The following OLFM3 variants were observed in gnomAD, a reference collection of about 807,000 sequenced individuals.
OLFM3 encodes the protein noelin-3.
OLFM3 carries 20 observed loss-of-function variants against 48.6 expected under a neutral mutation model. The ratio of observed to expected loss-of-function variants is 0.41; its 90% CI spans 0.29 to 0.60. The LOEUF (loss-of-function observed/expected upper bound fraction) is 0.60. OLFM3 is among the 20% of genes least tolerant of loss of function. The pLI, the probability that OLFM3 is intolerant of heterozygous loss-of-function variation, is 0.28. For missense variants in OLFM3, 437 were observed against 544.3 expected, an observed-to-expected ratio of 0.80 and a Z score of 1.96; for synonymous variants, 222 against 198.1, an observed-to-expected ratio of 1.12 and a Z score of -1.01.
chr1:101,966,829 T>C (rs1660624961), intron 1 of OLFM3, among the ~76,000 whole-genome samples: 1 of 152,190 alleles, frequency 6.6e-6, no homozygotes, highest in Non-Finnish European at 1.5e-5. Context: ...TTAAAATACT[T>C]TTCCTTTTTT....
At chr1:101,963,752 C>T (rs886289840) in intron 1 of OLFM3, among the ~76,000 whole-genome samples, 3 of 152,122 alleles carry the variant, frequency 2.0e-5, no homozygotes, top group African/African-American at 7.2e-5. Context: ...ACATTCAACC[C>T]TTTAATAAAT....
At chr1:101,826,261 T>A (rs1654861678) in intron 3 of OLFM3, among the ~76,000 whole-genome samples, 1 of 152,104 alleles carries the variant, frequency 6.6e-6, no homozygotes. Flanking sequence ...TTTCTAGACA[T>A]GTCACCGTTA....
At chr1:101,830,545 T>G (rs995782602) in intron 3 of OLFM3, 127 bp downstream of exon 3, 1 of 944,012 alleles carries the variant, frequency 1.1e-6, no homozygotes. Context: ...ATGACTGAAA[T>G]CCCCCATGAG....
At chr1:101,898,737 T>C (rs1658289679) in intron 1 of OLFM3, among the ~76,000 whole-genome samples, 1 of 152,024 alleles carries the variant, frequency 6.6e-6, no homozygotes, top group East Asian at 1.9e-4. Flanking sequence ...TAGTCCCAGC[T>C]ACTCAGGAGG....
At chr1:101,966,651 C>G (rs1660618329) in intron 1 of OLFM3, among the ~76,000 whole-genome samples, 1 of 152,054 alleles carries the variant, frequency 6.6e-6, no homozygotes. Context: ...TACGAGATGA[C>G]AGAAAACCAA....
intron 1 of OLFM3, among the ~76,000 whole-genome samples, chr1:101,904,803 A>ATAAAATG (rs958131937): frequency 3.3e-5 from 5 of 152,234 alleles, no homozygotes; most frequent in Admixed American, 3.3e-4. Flanking sequence ...TCCAGAAAAC[A>ATAAAATG]TAAAATGCTG....
intron 1 of OLFM3, among the ~76,000 whole-genome samples, chr1:101,860,796 T>C (rs186785673): frequency 3.9e-5 from 6 of 152,156 alleles, no homozygotes; most frequent in Non-Finnish European, 5.9e-5. Flanking sequence ...AGGGATACTT[T>C]AGTGGGATTG....
rs1251797264 is a variant in OLFM3 at position 101,808,380 on chromosome 1, T to A, written c.593-2198A>T. On this transcript the variant is annotated intron_variant, in intron 4 of 5. Transcript: ENST00000370103. Reference sequence around the variant, plus strand: ...GTGGTCATTAAAGATGAAGATGGAATAAGATGCATTTGTGTCTATGCAGAG... The same window carrying A: ...GTGGTCATTAAAGATGAAGATGGAAAAAGATGCATTTGTGTCTATGCAGAG... Among the ~76,000 whole-genome samples the A allele has an allele frequency of 2.6e-5, 4 of 151,414 alleles. No homozygotes were observed. The South Asian group carries it at 8.3e-4, about 31-fold the overall frequency.
intron 4 of OLFM3, among the ~76,000 whole-genome samples, chr1:101,818,521 A>T (rs923156039): frequency 4.6e-5 from 7 of 152,126 alleles, no homozygotes; most frequent in African/African-American, 1.7e-4. Context: ...AATTTAAAGG[A>T]ATAGTCTTAT....
intron 1 of OLFM3, among the ~76,000 whole-genome samples, chr1:101,987,595 A>G (rs1223358156): frequency 6.6e-6 from 1 of 152,140 alleles, no homozygotes; most frequent in Admixed American, 6.5e-5. Context: ...CACTCCCAGA[A>G]GAGATGGCAT....
At chr1:101,967,343 G>C (rs6661064) in intron 1 of OLFM3, among the ~76,000 whole-genome samples, 154 of 151,748 alleles carry the variant, frequency 1.0e-3, no homozygotes, top group Non-Finnish European at 1.6e-3. Context: ...GGCTATAAGT[G>C]ATTTGCCTTC....
At chr1:101,881,415 A>G (rs567258522) in intron 1 of OLFM3, among the ~76,000 whole-genome samples, 1 of 151,968 alleles carries the variant, frequency 6.6e-6, no homozygotes, top group African/African-American at 2.4e-5. Context: ...CTTGAACCCA[A>G]ACCAGAGTAC....
At chr1:101,991,006 AAAAAAAAAAAATATAT>A (rs1661385215) in intron 1 of OLFM3, among the ~76,000 whole-genome samples, 1 of 97,596 alleles carries the variant, frequency 1.0e-5, no homozygotes, top group Non-Finnish European at 2.1e-5. Flanking sequence ...AAAAAAAAAA[AAAAAAAAAAAATATAT>A]ATATATATAT....
At chr1:101,847,012 G>A (rs1251843502) in intron 1 of OLFM3, 2 of 1,578,266 alleles carry the variant, frequency 1.3e-6, no homozygotes, top group Non-Finnish European at 1.7e-6. Context: ...GACTGATTAA[G>A]ATCCCGGTGC....
intron 1 of OLFM3, among the ~76,000 whole-genome samples, chr1:101,920,782 AT>A (rs1344524737): frequency 6.6e-6 from 1 of 152,204 alleles, no homozygotes; most frequent in Non-Finnish European, 1.5e-5. Flanking sequence ...ATAGAGACCC[AT>A]TCCCACTGCT....
At chr1:101,829,423 C>T (rs1347217612) in intron 3 of OLFM3, among the ~76,000 whole-genome samples, 1 of 152,196 alleles carries the variant, frequency 6.6e-6, no homozygotes, top group African/African-American at 2.4e-5. Context: ...CTTTCTTGCC[C>T]TCTTTTTCTT....
intron 1 of OLFM3, among the ~76,000 whole-genome samples, chr1:101,877,800 C>CCAA: frequency 6.6e-6 from 1 of 151,290 alleles, no homozygotes; most frequent in East Asian, 2.0e-4. Context: ...TTTAATGAAG[C>CCAA]ATTTTTTTTT....
chr1:101,855,251 G>A (rs1163675951), intron 1 of OLFM3, among the ~76,000 whole-genome samples: 2 of 151,990 alleles, frequency 1.3e-5, no homozygotes, highest in Non-Finnish European at 2.9e-5. Context: ...GTATGAAGTC[G>A]TTTAATCCTC....
intron 1 of OLFM3, among the ~76,000 whole-genome samples, chr1:101,928,715 G>A (rs570582433): frequency 1.3e-5 from 2 of 152,104 alleles, no homozygotes; most frequent in South Asian, 4.1e-4. Flanking sequence ...ACTATGTCCT[G>A]AAGACCTACT....
Sources: gnomAD v4.1 joint callset for allele counts (sites outside exome capture counted in the v4.1 genomes callset) on GRCh38, gnomAD v4.1.1 for gene constraint, MANE v1.5 for transcripts, NCBI Gene and HGNC (gene_info 2026-07-23, HGNC 2026-07-21) for gene names.